The following MALRD1 variants were observed in gnomAD, a reference collection of about 807,000 sequenced individuals.
MALRD1 encodes the protein MAM and LDL receptor class A domain containing 1.
In MALRD1, 247 loss-of-function variants were observed where a neutral mutation model predicts 242.1. The ratio of observed to expected loss-of-function variants is 1.02; its 90% confidence interval spans 0.92 to 1.13. The LOEUF (loss-of-function observed/expected upper bound fraction) is 1.13, where lower values mean the gene tolerates loss of function less well. MALRD1 is among the 50% of genes most tolerant of loss of function. MALRD1 has a pLI of 0.00. For synonymous variants in MALRD1, 995 were observed against 866.6 expected, an observed-to-expected ratio of 1.15 and a Z score of -2.60; for missense variants, 2,989 against 2,533.1, an observed-to-expected ratio of 1.18 and a Z score of -3.86.
chr10:19,163,830 A>C (rs2131499243), intron 12 of MALRD1, among the ~76,000 whole-genome samples: 1 of 152,346 alleles, frequency 6.6e-6, no homozygotes, highest in African/African-American at 2.4e-5. Context: ...GTTAAATATA[A>C]GTTCTGAGCT....
chr10:19,670,329 C>T (rs1425272332), intron 36 of MALRD1, among the ~76,000 whole-genome samples: 1 of 152,182 alleles, frequency 6.6e-6, no homozygotes, highest in African/African-American at 2.4e-5. Context: ...GCAAACCCAT[C>T]AGCCAGCCTT....
intron 36 of MALRD1, among the ~76,000 whole-genome samples, chr10:19,681,852 A>T (rs1229660896): frequency 8.1e-6 from 1 of 123,268 alleles, no homozygotes; most frequent in Non-Finnish European, 1.6e-5. Flanking sequence ...TTGTGGGGGA[A>T]TGTCACTTTT....
In MALRD1 at chr10:19,383,025, TA is replaced by T. The variant is rs564622104; in HGVS notation, c.4442-4499del. Among the ~76,000 whole-genome samples the T allele has an allele frequency of 2.6e-3, 400 of 152,222 alleles. 1 individual carries two copies. The highest frequency in any genetic ancestry group is 8.8e-3 in the African/African-American group (367 of 41,536). On this transcript the variant is annotated intron_variant, in intron 26 of 39. Coordinates refer to ENST00000454679, the MANE Select transcript of MALRD1 (RefSeq NM_001142308.3). Reference sequence around the variant, plus strand: ...ACACCACTACAGATACCATGGACATTAAAAGGATAATAAAAGAATAGTATGA... The same window carrying T: ...ACACCACTACAGATACCATGGACATTAAAGGATAATAAAAGAATAGTATGA...
chr10:19,584,119 T>A (rs1837272993), intron 33 of MALRD1, among the ~76,000 whole-genome samples: 1 of 150,976 alleles, frequency 6.6e-6, no homozygotes, highest in South Asian at 2.1e-4. Flanking sequence ...CTCTCTTTTT[T>A]TCTTTATTAG....
intron 5 of MALRD1, among the ~76,000 whole-genome samples, chr10:19,122,918 G>A (rs1837116448): frequency 6.6e-6 from 1 of 152,088 alleles, no homozygotes; most frequent in Non-Finnish European, 1.5e-5. Flanking sequence ...TAGAGACGGG[G>A]TTTCACCATG....
chr10:19,685,278 A>G (rs761807917), intron 36 of MALRD1, among the ~76,000 whole-genome samples: 20 of 152,020 alleles, frequency 1.3e-4, no homozygotes, highest in Non-Finnish European at 2.8e-4. Flanking sequence ...AGTTATTTTT[A>G]CATGTATTTT....
intron 35 of MALRD1, among the ~76,000 whole-genome samples, chr10:19,614,123 C>T (rs1483558212): frequency 6.6e-6 from 1 of 151,982 alleles, no homozygotes; most frequent in African/African-American, 2.4e-5. Flanking sequence ...ATACTATGAA[C>T]TGGTTGTTCT....
intron 11 of MALRD1, among the ~76,000 whole-genome samples, chr10:19,152,656 T>C (rs1833986238): frequency 6.6e-6 from 1 of 152,156 alleles, no homozygotes. Flanking sequence ...AGATAAGTAA[T>C]TGTGTAATAT....
chr10:19,609,471 C>G lies in MALRD1; in HGVS notation c.6070+1569C>G, dbSNP rs188336095. Reference sequence around the variant, plus strand: ...CAATGTACATTACACATTACTCTTTCTTTCCAACATTATATTCTTTTAAGG... The same window carrying G: ...CAATGTACATTACACATTACTCTTTGTTTCCAACATTATATTCTTTTAAGG... On this transcript the variant is annotated intron_variant, in intron 35 of 39. Transcript: ENST00000454679. 2.0e-3 allele frequency among the ~76,000 whole-genome samples: 310 copies of G among 152,160 alleles called. 8 individuals carry two copies. Among genetic ancestry groups the G allele is most frequent in the Non-Finnish European group, 3.4e-4 (23 of 67,936 alleles).
intron 31 of MALRD1, among the ~76,000 whole-genome samples, chr10:19,508,473 C>A (rs547508995): frequency 1.3e-5 from 2 of 152,176 alleles, no homozygotes; most frequent in East Asian, 3.9e-4. Flanking sequence ...ATTGGAATAC[C>A]AAATTTTCTG....
intron 36 of MALRD1, among the ~76,000 whole-genome samples, chr10:19,636,756 A>G (rs898483229): frequency 4.6e-5 from 7 of 151,956 alleles, no homozygotes; most frequent in African/African-American, 1.7e-4. Flanking sequence ...AAACTTAGCC[A>G]GGCGCGGTGG....
chr10:19,463,140 ATTTCT>A (rs1448978494), intron 29 of MALRD1, among the ~76,000 whole-genome samples: 1 of 151,942 alleles, frequency 6.6e-6, no homozygotes. Flanking sequence ...TTATAAGGTA[ATTTCT>A]TTTATTTTTA....
At chr10:19,329,139 A>G (rs1843256347) in intron 23 of MALRD1, among the ~76,000 whole-genome samples, 1 of 152,238 alleles carries the variant, frequency 6.6e-6, no homozygotes, top group South Asian at 2.1e-4. Flanking sequence ...GACTCTTAAA[A>G]GTAAATATTA....
chr10:19,211,801 A>C (rs1449496057), intron 18 of MALRD1, among the ~76,000 whole-genome samples: 2 of 151,552 alleles, frequency 1.3e-5, no homozygotes, highest in East Asian at 3.9e-4. Flanking sequence ...TTTCTGTTCT[A>C]CTGAGAAACA....
chr10:19,355,426 T>G (rs997532324), intron 26 of MALRD1, among the ~76,000 whole-genome samples: 3 of 151,816 alleles, frequency 2.0e-5, no homozygotes, highest in African/African-American at 7.3e-5. Context: ...TTAATATAAT[T>G]TATTACATTA....
At chr10:19,362,429 A>G (rs1199982683) in intron 26 of MALRD1, among the ~76,000 whole-genome samples, 1 of 152,154 alleles carries the variant, frequency 6.6e-6, no homozygotes, top group Non-Finnish European at 1.5e-5. Context: ...CAATACAGAT[A>G]AGCAAAGACA....
At chr10:19,136,428 T>C in intron 9 of MALRD1, 146 bp from the exon 10 acceptor site, 2 of 410,218 alleles carry the variant, frequency 4.9e-6, no homozygotes, top group Non-Finnish European at 8.4e-6. Flanking sequence ...TGGGTTGAGG[T>C]TATCAAACAG....
At chr10:19,187,686 C>T (rs540758589) in intron 14 of MALRD1, among the ~76,000 whole-genome samples, 27 of 152,036 alleles carry the variant, frequency 1.8e-4, no homozygotes, top group South Asian at 8.3e-4. Context: ...AGTTGGAGGC[C>T]GGAATCCTAA....
At chr10:19,380,522 C>A (rs936315298) in intron 26 of MALRD1, among the ~76,000 whole-genome samples, 1 of 152,024 alleles carries the variant, frequency 6.6e-6, no homozygotes, top group African/African-American at 2.4e-5. Flanking sequence ...CACACTTTTT[C>A]TCTCTTAAGT....
Sources: gnomAD v4.1 joint callset for allele counts (sites outside exome capture counted in the v4.1 genomes callset) on GRCh38, gnomAD v4.1.1 for gene constraint, MANE v1.5 for transcripts, NCBI Gene and HGNC (gene_info 2026-07-23, HGNC 2026-07-21) for gene names.